Variants in RBM6 observed in about 807,000 individuals in gnomAD.
RBM6 encodes RNA-binding protein 6.
Under a neutral mutation model 140.4 loss-of-function variants are expected in RBM6, and 23 were observed. The observed-to-expected ratio is 0.16, with a 90% CI of 0.12 to 0.23. The LOEUF (loss-of-function observed/expected upper bound fraction) is 0.23, where lower values mean the gene tolerates loss of function less well. Ranked by LOEUF, RBM6 falls within the 10% of genes least tolerant of loss-of-function variation. RBM6 has a pLI of 1.00. For missense variants in RBM6, 1,139 were observed against 1,386.7 expected (o/e 0.82, Z 2.84); for synonymous variants, 439 against 475.6 (o/e 0.92, Z 1.00).
intron 1 of RBM6, among the ~76,000 whole-genome samples, chr3:49,951,138 A>G (rs2083709528): frequency 6.6e-6 from 1 of 152,198 alleles, no homozygotes; most frequent in African/African-American, 2.4e-5. Context: ...AGACACTTTG[A>G]GTAGTGAAAA....
chr3:50,072,234 C>G (rs187095737), intron 19 of RBM6, among the ~76,000 whole-genome samples: 12 of 151,286 alleles, frequency 7.9e-5, no homozygotes, highest in Non-Finnish European at 1.5e-4. Context: ...ATGGTGAAAC[C>G]CTGTCTCTAC....
rs1346154132 is a variant in RBM6, at chr3:49,991,680, C to T, written c.1484-7760C>T. 3.3e-5 allele frequency among the ~76,000 whole-genome samples: 5 copies of T among 152,164 alleles called. 1 individual carries two copies. Among genetic ancestry groups the T allele is most frequent in the South Asian group, 4.1e-4 (2 of 4,828 alleles). ...GTGCCTTTAGTTGGGCACTGGATAT[C>T]GGTTACAGGGCATAAGTGGCCCAGT... On this transcript the variant is annotated intron_variant, in intron 5 of 20. Transcript: ENST00000266022.
intron 19 of RBM6, among the ~76,000 whole-genome samples, chr3:50,073,003 C>A (rs908536300): frequency 2.0e-5 from 3 of 152,202 alleles, no homozygotes; most frequent in Admixed American, 6.5e-5. Flanking sequence ...CTTCTTTGGT[C>A]TTGCTGCTCT....
In RBM6 at chr3:49,973,377, A is replaced by G. The variant is rs1412409034; in HGVS notation, c.1413+1229A>G. On this transcript the variant is annotated intron_variant, in intron 4 of 20. Transcript: ENST00000266022. ...TGAATGCCGTGAGAGAACAGTTTAT[A>G]TGAATATGGGGAAATGAACTGCCCA... Among the ~76,000 whole-genome samples, 3 of 152,184 alleles carry G rather than the reference A, an allele frequency of 2.0e-5. No individual in the cohort carries two copies. The South Asian group carries it at 6.2e-4, about 32-fold the overall frequency.
intron 5 of RBM6, among the ~76,000 whole-genome samples, chr3:49,984,606 A>ATCG (rs1559552659): frequency 4.0e-3 from 394 of 99,132 alleles, no homozygotes; most frequent in African/African-American, 5.6e-3. Context: ...ACATCACATC[A>ATCG]CATCACATCG....
At chr3:50,005,665 A>G (rs2086537615) in intron 6 of RBM6, among the ~76,000 whole-genome samples, 1 of 152,218 alleles carries the variant, frequency 6.6e-6, no homozygotes, top group African/African-American at 2.4e-5. Flanking sequence ...TGTGCATTCC[A>G]AGCAACAAAA....
At position 50,075,255 on chromosome 3, in the gene RBM6, T is replaced by C; in HGVS notation, c.3171T>C (p.Cys1057=). The change falls in exon 20 of 21, where the codon TGT becomes TGC. Residue 1057 remains cysteine (C), a synonymous_variant. Transcript: ENST00000266022. ...TCGACACTAGCAGCAAAGGAGGCTG[T>C]GTCCAACAGGCTACTGGCTGGAGGA... is the stretch of plus-strand genomic sequence containing the variant. ...EDIDTSSKGG[C]VQQATGWRKG... 6.2e-7 allele frequency: 1 copy of C among 1,614,074 alleles called. No homozygotes were observed. The highest frequency in any genetic ancestry group is 8.5e-7 in the Non-Finnish European group (1 of 1,180,000).
chr3:50,057,056 A>G (rs1420838052), intron 8 of RBM6, among the ~76,000 whole-genome samples: 1 of 152,146 alleles, frequency 6.6e-6, no homozygotes, highest in African/African-American at 2.4e-5. Context: ...ATCTTCGGTA[A>G]TTTTGTCCCC....
chr3:49,946,692 C>T (rs1315870518), intron 1 of RBM6, among the ~76,000 whole-genome samples: 2 of 151,606 alleles, frequency 1.3e-5, no homozygotes, highest in African/African-American at 2.4e-5. Flanking sequence ...TGTGCCACCA[C>T]GCCTGGCTAA....
intron 2 of RBM6, among the ~76,000 whole-genome samples, chr3:49,966,095 C>T (rs1473943458): frequency 6.6e-6 from 1 of 152,160 alleles, no homozygotes; most frequent in Non-Finnish European, 1.5e-5. Context: ...CATTGCACTC[C>T]AGCCTGGGCA....
At chr3:49,962,880 G>T in intron 2 of RBM6, 195 bp downstream of exon 2, 1 of 456,472 alleles carries the variant, frequency 2.2e-6, no homozygotes, top group Non-Finnish European at 3.8e-6. Context: ...GGCAGATCAT[G>T]AGGTCAGGAG....
At chr3:50,023,076 G>A (rs1233763840) in intron 6 of RBM6, among the ~76,000 whole-genome samples, 1 of 152,140 alleles carries the variant, frequency 6.6e-6, no homozygotes, top group Non-Finnish European at 1.5e-5. Flanking sequence ...ATTCCAGCCT[G>A]GGTGACAGAG....
At chr3:49,958,579 C>T (rs6780522) in intron 1 of RBM6, among the ~76,000 whole-genome samples, 1 of 147,056 alleles carries the variant, frequency 6.8e-6, no homozygotes, top group Non-Finnish European at 1.5e-5. Flanking sequence ...GTCTCAAAAA[C>T]AAAAAACAAA....
intron 11 of RBM6, among the ~76,000 whole-genome samples, chr3:50,060,334 G>C (rs2089885129): frequency 6.6e-6 from 1 of 152,070 alleles, no homozygotes; most frequent in Non-Finnish European, 1.5e-5. Flanking sequence ...TCTTGACCCA[G>C]GAGTGGTAAC....
intron 6 of RBM6, among the ~76,000 whole-genome samples, chr3:50,034,909 C>T (rs2088419361): frequency 6.6e-6 from 1 of 152,034 alleles, no homozygotes; most frequent in Non-Finnish European, 1.5e-5. Context: ...TTCTTTGTCC[C>T]TTTCACTAAT....
At chr3:49,974,473 G>A (rs575450397) in intron 4 of RBM6, among the ~76,000 whole-genome samples, 26 of 149,460 alleles carry the variant, frequency 1.7e-4, no homozygotes, top group African/African-American at 5.4e-4. Context: ...CCGGGTTCAC[G>A]CCATTCTTCT....
intron 17 of RBM6, among the ~76,000 whole-genome samples, chr3:50,068,031 TA>T (rs1391005188): frequency 6.6e-6 from 1 of 152,186 alleles, no homozygotes; most frequent in Non-Finnish European, 1.5e-5. Context: ...CCATCTGATG[TA>T]AATACTAATA....
chr3:49,945,235 T>C (rs964643337), intron 1 of RBM6, among the ~76,000 whole-genome samples: 2 of 150,136 alleles, frequency 1.3e-5, no homozygotes, highest in Non-Finnish European at 3.0e-5. Flanking sequence ...TGGAGTGCAG[T>C]GGTGCAGTCA....
intron 6 of RBM6, among the ~76,000 whole-genome samples, chr3:50,007,549 T>C (rs938569394): frequency 7.9e-5 from 12 of 151,736 alleles, no homozygotes; most frequent in Non-Finnish European, 1.3e-4. Flanking sequence ...TTTTTTTTTT[T>C]TGAGACAGAG....
Sources: allele counts gnomAD v4.1 joint callset (sites outside exome capture counted in the v4.1 genomes callset), GRCh38; gene constraint gnomAD v4.1.1; transcripts MANE v1.5; gene names NCBI Gene and HGNC (gene_info 2026-07-23, HGNC 2026-07-21).